PCYOX1: variants seen among roughly 807,000 people sequenced by gnomAD.
The protein encoded by PCYOX1 is prenylcysteine oxidase 1.
A neutral mutation model predicts 46.4 loss-of-function variants in PCYOX1; 46 were observed. The ratio of observed to expected loss-of-function variants is 0.99; its 90% CI spans 0.78 to 1.27. PCYOX1 has a LOEUF of 1.27. Ranked by LOEUF, PCYOX1 falls within the 50% of genes most tolerant of loss-of-function variation. The pLI is 0.00. For synonymous variants in PCYOX1, 220 were observed against 231.8 expected, an observed-to-expected ratio of 0.95 and a Z score of 0.46; for missense variants, 658 against 628.3, an observed-to-expected ratio of 1.05 and a Z score of -0.51.
In PCYOX1 at chr2:70,262,661, A is replaced by G. The variant is rs149738350; in HGVS notation, c.494+1275A>G. On this transcript the variant is annotated intron_variant, in intron 3 of 5. Transcript: ENST00000433351. ...TGCCTGGCTAATTTTTTGTATTTTT[A>G]GTAGAGACGGGGTTTCACTGTGTTA... Among the ~76,000 whole-genome samples, 589 of 150,956 alleles carry G rather than the reference A, an allele frequency of 3.9e-3. 8 individuals carry two copies. The highest frequency in any genetic ancestry group is 0.013 in the African/African-American group (547 of 41,026).
chr2:70,271,215 G>A (rs1174296999), intron 3 of PCYOX1, among the ~76,000 whole-genome samples: 1 of 150,062 alleles, frequency 6.7e-6, no homozygotes, highest in Non-Finnish European at 1.5e-5. Context: ...CTACAGGCAT[G>A]CCTCACCATG....
intron 3 of PCYOX1, among the ~76,000 whole-genome samples, chr2:70,268,877 A>C (rs1053997987): frequency 2.0e-5 from 3 of 152,084 alleles, no homozygotes; most frequent in African/African-American, 7.2e-5. Context: ...CTGCAAGCCA[A>C]GGAAATAGGC....
chr2:70,275,650 A>G lies in PCYOX1; in HGVS notation c.843A>G (p.Thr281=), dbSNP rs1414075568. ...CAGTAATGTACATCGAGGAGAAAAC[A>G]AAGACCAAGTACACAGGTAAGCTTG... is the stretch of plus-strand genomic sequence containing the variant. ...SGSVMYIEEK[T]KTKYTGNPTK... is the part of the protein sequence containing the mutation. Residue 281 remains threonine (T), a synonymous_variant, in exon 5 of 6, where the codon ACA becomes ACG. Transcript: ENST00000433351. 2.5e-6 allele frequency: 4 copies of G among 1,613,954 alleles called. No homozygotes were observed. The highest frequency in any genetic ancestry group is 1.7e-5 in the Admixed American group (1 of 59,992).
At chr2:70,266,454 A>T (rs1696524664) in intron 3 of PCYOX1, among the ~76,000 whole-genome samples, 2 of 151,300 alleles carry the variant, frequency 1.3e-5, no homozygotes, top group South Asian at 2.1e-4. Flanking sequence ...GAACCGTAAG[A>T]TTATAACTTT....
In PCYOX1 at chr2:70,260,473, G is replaced by A. The variant is rs7571465; in HGVS notation, c.320-739G>A. ...GCAGGAGGATCCCTTGAGCCTGGGA[G>A]ATAGAAGCTGCAGTGAGCCTTGCAT... On this transcript the variant is annotated intron_variant, in intron 2 of 5. Transcript: ENST00000433351. Among the ~76,000 whole-genome samples the A allele has an allele frequency of 7.2e-3, 1,098 of 152,320 alleles. 14 individuals carry two copies. The highest frequency in any genetic ancestry group is 0.025 in the African/African-American group (1,053 of 41,594).
intron 2 of PCYOX1, among the ~76,000 whole-genome samples, chr2:70,260,631 A>G (rs980896493): frequency 6.6e-6 from 1 of 152,240 alleles, no homozygotes; most frequent in Non-Finnish European, 1.5e-5. Context: ...TGCTGCCCTG[A>G]CAGCAGAGGA....
At chr2:70,272,361 A>G (rs561094393) in intron 3 of PCYOX1, among the ~76,000 whole-genome samples, 16 of 152,186 alleles carry the variant, frequency 1.1e-4, no homozygotes, top group African/African-American at 3.6e-4. Flanking sequence ...TCCTGACCTC[A>G]AGCGATCTGC....
At chr2:70,264,948 G>A (rs1173379275) in intron 3 of PCYOX1, among the ~76,000 whole-genome samples, 2 of 152,004 alleles carry the variant, frequency 1.3e-5, no homozygotes, top group African/African-American at 4.8e-5. Flanking sequence ...AGCGGAGGTT[G>A]TGGTGAGCCA....
Position 70,277,035 on chromosome 2 carries a change from C to G in PCYOX1, c.1161C>G (p.Pro387=). 6.2e-7 allele frequency: 1 copy of G among 1,613,790 alleles called. No individual in the cohort carries two copies. Among genetic ancestry groups the G allele is most frequent in the East Asian group, 2.2e-5 (1 of 44,882 alleles). The stretch of plus-strand genomic sequence containing the variant: ...TCATTAACAGTATTGGGATTGTGCC[C>G]TCTGTGAGAGAAAAGGAAGATCCTG... ...DLFINSIGIV[P]SVREKEDPEP... is the part of the protein sequence containing the mutation. The change falls in exon 6 of 6, where the codon CCC becomes CCG. Residue 387 remains proline (P), a synonymous_variant. Transcript: ENST00000433351.
chr2:70,258,317 G>C, intron 1 of PCYOX1, 41 bp downstream of exon 1: 1 of 1,354,386 alleles, frequency 7.4e-7, no homozygotes, highest in Admixed American at 2.6e-5. Context: ...GCTGGAGCGC[G>C]CCCCGCGCCG....
Position 70,279,785 on chromosome 2 carries a change from A to G in PCYOX1, c.*2393A>G, listed in dbSNP as rs763949012. On this transcript the variant is annotated 3_prime_UTR_variant, in exon 6 of 6. Transcript: ENST00000433351. ...GCAACAGAGCGAGACTCTGTCTCAG[A>G]AAAAAAAAACAAAAACCAGTTTAGG... The G allele has an allele frequency of 6.7e-6, 1 of 148,500 alleles. No individual in the cohort carries two copies. Among genetic ancestry groups the G allele is most frequent in the Non-Finnish European group, 1.5e-5 (1 of 66,862 alleles). The allele number at this position is 148,500 out of a possible 1,614,324, so 9.2% of individuals were successfully genotyped here.
intron 3 of PCYOX1, among the ~76,000 whole-genome samples, chr2:70,264,268 T>G (rs200975483): frequency 8.2e-6 from 1 of 122,262 alleles, no homozygotes. Flanking sequence ...CCCAGCCTTG[T>G]TTTTTTTTTT....
intron 4 of PCYOX1, 135 bp from the exon 5 acceptor site, chr2:70,275,379 G>T: frequency 1.1e-6 from 1 of 928,482 alleles, no homozygotes; most frequent in Non-Finnish European, 1.7e-6. Context: ...TTAACTGGGG[G>T]AGATTTTGCT....
chr2:70,275,494 A>G lies in PCYOX1; in HGVS notation c.707-20A>G, dbSNP rs1559037707. Reference sequence around the variant, plus strand: ...TTACAAAAAGTCAGAATTAAAACACATTTTTCCTCCTATTGACAGGGGCGG... The same window carrying G: ...TTACAAAAAGTCAGAATTAAAACACGTTTTTCCTCCTATTGACAGGGGCGG... On this transcript the variant is annotated intron_variant, in intron 4 of 5. Transcript: ENST00000433351. 4 of 1,611,500 alleles carry G rather than the reference A, an allele frequency of 2.5e-6. No individual in the cohort carries two copies. The highest frequency in any genetic ancestry group is 3.4e-6 in the Non-Finnish European group (4 of 1,178,950).
intron 3 of PCYOX1, among the ~76,000 whole-genome samples, chr2:70,267,242 A>G (rs1258804573): frequency 1.3e-5 from 2 of 151,886 alleles, no homozygotes; most frequent in East Asian, 3.9e-4. Context: ...GCAGCCGGGC[A>G]GAGACGCTCC....
intron 1 of PCYOX1, 148 bp from the exon 2 acceptor site, chr2:70,259,212 C>G (rs1477890558): frequency 1.5e-6 from 1 of 680,794 alleles, no homozygotes; most frequent in Non-Finnish European, 2.6e-6. Context: ...GGAGTTAGAC[C>G]TTCGCTGCAG....
rs1419865407 is a variant in PCYOX1 at position 70,278,770 on chromosome 2, T to A, written c.*1378T>A. The A allele has an allele frequency of 6.6e-6, 1 of 152,206 alleles. No homozygotes were observed. Among genetic ancestry groups the A allele is most frequent in the Non-Finnish European group, 1.5e-5 (1 of 68,052 alleles). 9.4% of individuals were successfully genotyped at this position (152,206 alleles called of 1,614,324 possible). ...AAAACTTCAGAACTAGTTCTGCATC[T>A]ACTGTGCAAAGATCATGATTAACTG... On this transcript the variant is annotated 3_prime_UTR_variant, in exon 6 of 6. Transcript: ENST00000433351.
intron 3 of PCYOX1, among the ~76,000 whole-genome samples, chr2:70,268,780 ACT>A (rs916294124): frequency 4.6e-5 from 7 of 150,894 alleles, no homozygotes; most frequent in African/African-American, 1.7e-4. Context: ...CAAGCGTGAA[ACT>A]CTGTCTCAGA....
Position 70,259,257 on chromosome 2 carries a change from G to T in PCYOX1, c.113-103G>T, listed in dbSNP as rs1696397895. 1.3e-5 allele frequency: 14 copies of T among 1,051,364 alleles called. No individual in the cohort carries two copies. The South Asian group carries it at 1.8e-4, about 14-fold the overall frequency. 65.1% of individuals were successfully genotyped at this position (1,051,364 alleles called of 1,614,324 possible). On this transcript the variant is annotated intron_variant, in intron 1 of 5. Coordinates refer to ENST00000433351, the MANE Select transcript of PCYOX1 (RefSeq NM_016297.4). ...TTCCCCCACCAAATTGTTGGTAATA[G>T]CTTTGAGTAACAACCTCTGCTATTG... is the stretch of plus-strand genomic sequence containing the variant.
Sources: gnomAD v4.1 joint callset for allele counts (sites outside exome capture counted in the v4.1 genomes callset) on GRCh38, gnomAD v4.1.1 for gene constraint, MANE v1.5 for transcripts, NCBI Gene and HGNC (gene_info 2026-07-23, HGNC 2026-07-21) for gene names.